SLC2A12: variants seen among roughly 807,000 people sequenced by gnomAD.
SLC2A12 encodes solute carrier family 2 member 12.
A neutral mutation model predicts 41.8 loss-of-function variants in SLC2A12; 23 were observed. That is an observed-to-expected ratio of 0.55 (90% CI 0.40 to 0.78). The LOEUF (loss-of-function observed/expected upper bound fraction) is 0.78. SLC2A12 is among the 30% of genes least tolerant of loss of function. The pLI is 0.00. For missense variants in SLC2A12, 654 were observed against 745.6 expected (o/e 0.88, Z 1.43); for synonymous variants, 295 against 285.9 (o/e 1.03, Z -0.32).
chr6:134,003,389 G>C (rs1044578977), intron 3 of SLC2A12, among the ~76,000 whole-genome samples: 2 of 152,146 alleles, frequency 1.3e-5, no homozygotes, highest in Non-Finnish European at 1.5e-5. Flanking sequence ...AACCCTAAAG[G>C]CTGTCTCATC....
At chr6:134,036,346 A>G (rs1777299367) in intron 1 of SLC2A12, among the ~76,000 whole-genome samples, 1 of 152,106 alleles carries the variant, frequency 6.6e-6, no homozygotes, top group Non-Finnish European at 1.5e-5. Context: ...TTCTCCCTGA[A>G]CGCCTTTGTT....
At chr6:134,011,966 C>G (rs1254341651) in intron 2 of SLC2A12, among the ~76,000 whole-genome samples, 5 of 151,974 alleles carry the variant, frequency 3.3e-5, no homozygotes, top group South Asian at 2.1e-4. Flanking sequence ...CGCTTGAGCC[C>G]AGGAGGTGGA....
chr6:134,042,214 A>G lies in SLC2A12; in HGVS notation c.103+10164T>C, dbSNP rs1470987908. Among the ~76,000 whole-genome samples, 6 of 152,236 alleles carry G rather than the reference A, an allele frequency of 3.9e-5. No homozygotes were observed. In the South Asian group the frequency reaches 6.2e-4, roughly 16 times the overall value. ...ATTTTAAAAGGAGTTGCTGCACTCA[A>G]TAATGGTTGAGAATCACCAGTAGTG... On this transcript the variant is annotated intron_variant, in intron 1 of 4. Coordinates refer to ENST00000275230, the MANE Select transcript of SLC2A12 (RefSeq NM_145176.3).
intron 2 of SLC2A12, chr6:134,009,339 C>T (rs922898565): frequency 6.6e-6 from 1 of 152,208 alleles, no homozygotes; most frequent in Non-Finnish European, 1.5e-5. Flanking sequence ...GGAAACTTGT[C>T]AAGCAAGCCC....
At chr6:134,031,810 C>T (rs1777212159) in intron 1 of SLC2A12, among the ~76,000 whole-genome samples, 1 of 152,094 alleles carries the variant, frequency 6.6e-6, no homozygotes. Context: ...CAAGCCTGGA[C>T]ATATGTATTT....
intron 3 of SLC2A12, among the ~76,000 whole-genome samples, chr6:134,003,500 T>G (rs1420767465): frequency 6.6e-6 from 1 of 152,186 alleles, no homozygotes; most frequent in Non-Finnish European, 1.5e-5. Flanking sequence ...TGCTAAAAAG[T>G]TATTCCTTGC....
At chr6:134,051,382 A>G (rs1773681957) in intron 1 of SLC2A12, among the ~76,000 whole-genome samples, 2 of 152,210 alleles carry the variant, frequency 1.3e-5, no homozygotes, top group South Asian at 4.1e-4. Flanking sequence ...AAACGTCAGT[A>G]TTAGGACCAT....
intron 1 of SLC2A12, among the ~76,000 whole-genome samples, chr6:134,045,757 A>G (rs576002143): frequency 6.6e-6 from 1 of 152,358 alleles, no homozygotes; most frequent in African/African-American, 2.4e-5. Flanking sequence ...TCATTTAACA[A>G]AAGCTCCTTT....
At chr6:134,023,198 G>A (rs949871665) in intron 2 of SLC2A12, among the ~76,000 whole-genome samples, 7 of 152,184 alleles carry the variant, frequency 4.6e-5, no homozygotes, top group African/African-American at 1.7e-4. Flanking sequence ...GTGGTCTGGA[G>A]GATGGATGGG....
chr6:133,996,727 A>C (rs569441210), intron 4 of SLC2A12, among the ~76,000 whole-genome samples: 5 of 152,256 alleles, frequency 3.3e-5, no homozygotes, highest in African/African-American at 1.2e-4. Flanking sequence ...GTCCTTCCTC[A>C]TTCTTCAAGT....
intron 2 of SLC2A12, among the ~76,000 whole-genome samples, chr6:134,010,620 G>A (rs143766661): frequency 6.6e-6 from 1 of 152,160 alleles, no homozygotes; most frequent in Non-Finnish European, 1.5e-5. Context: ...GGACTTGTGG[G>A]GGGGCGGAGG....
chr6:134,046,857 A>G (rs6929808), intron 1 of SLC2A12, among the ~76,000 whole-genome samples: 13,638 of 152,216 alleles, frequency 0.09, 1,288 homozygotes, highest in African/African-American at 0.24. Context: ...TAGCAAATGC[A>G]TAAAATAAGT....
intron 2 of SLC2A12, among the ~76,000 whole-genome samples, chr6:134,020,024 CAA>C (rs550748968): frequency 1.9e-4 from 15 of 80,002 alleles, no homozygotes; most frequent in African/African-American, 3.4e-4. Flanking sequence ...GATTCCATCT[CAA>C]AAAAAAAAAA....
intron 2 of SLC2A12, among the ~76,000 whole-genome samples, chr6:134,020,245 A>G (rs1237768395): frequency 6.6e-6 from 1 of 152,190 alleles, no homozygotes; most frequent in African/African-American, 2.4e-5. Context: ...GCCAATCCAT[A>G]TTTAAGAAGG....
In SLC2A12 at chr6:134,029,294, G is replaced by A. The variant is rs186953843; in HGVS notation, c.531C>T (p.Ile177=). The part of the protein sequence containing the change: ...LVSLNELMIV[I]GILSAYISNY... ...TTGAAATATAGGCAGAAAGAATGCC[G>A]ATGACAATCATCAGCTCATTCAGTG... is the stretch of plus-strand genomic sequence containing the variant. The change falls in exon 2 of 5, where the codon ATC becomes ATT. Residue 177 remains isoleucine, a synonymous_variant. Transcript: ENST00000275230. 2,343 of 1,614,142 alleles carry A rather than the reference G, an allele frequency of 1.5e-3. 50 individuals carry two copies. In the Admixed American group the frequency reaches 0.035, roughly 24 times the overall value.
chr6:134,032,425 T>G lies in SLC2A12; in HGVS notation c.104-2704A>C, dbSNP rs1310270171. 1.2e-4 allele frequency among the ~76,000 whole-genome samples: 4 copies of G among 32,142 alleles called. No homozygotes were observed. In the East Asian group the frequency reaches 1.9e-3, roughly 15 times the overall value. 21.1% of individuals were successfully genotyped at this position (32,142 alleles called of 152,430 possible). A position where few individuals can be genotyped will look rare whatever the true frequency, so the allele number is the denominator to read the frequency against. ...GGAGAAATATATATATATATATATA[T>G]TTATATATATATATATATATATAAA... is the stretch of plus-strand genomic sequence containing the variant. On this transcript the variant is annotated intron_variant, in intron 1 of 4. Coordinates refer to ENST00000275230, the MANE Select transcript of SLC2A12 (RefSeq NM_145176.3).
chr6:134,010,346 T>C (rs1264097456), intron 2 of SLC2A12, among the ~76,000 whole-genome samples: 3 of 152,182 alleles, frequency 2.0e-5, no homozygotes, highest in African/African-American at 7.2e-5. Flanking sequence ...CCTACCCCGA[T>C]GACAGGCCAA....
In SLC2A12 at chr6:134,035,151, C is replaced by CAAAAA. The variant is rs71003662; in HGVS notation, c.104-5435_104-5431dup. ...ATAGGAAAGGCCGCTGGCTGCCTGA[C>CAAAAA]AAAAAAAAAAAAAAAAAAAAAAACT... On this transcript the variant is annotated intron_variant, in intron 1 of 4. Coordinates refer to ENST00000275230, the MANE Select transcript of SLC2A12 (RefSeq NM_145176.3). 4.4e-3 allele frequency among the ~76,000 whole-genome samples: 473 copies of CAAAAA among 107,848 alleles called. 16 individuals carry two copies. Among genetic ancestry groups the CAAAAA allele is most frequent in the East Asian group, 6.8e-3 (18 of 2,636 alleles). 70.8% of individuals were successfully genotyped at this position (107,848 alleles called of 152,430 possible).
At chr6:134,019,506 T>A (rs1307427342) in intron 2 of SLC2A12, among the ~76,000 whole-genome samples, 1 of 151,934 alleles carries the variant, frequency 6.6e-6, no homozygotes, top group Non-Finnish European at 1.5e-5. Context: ...CAGTGGGGAG[T>A]CGAGGTAAGA....
Sources: gnomAD v4.1 joint callset for allele counts (sites outside exome capture counted in the v4.1 genomes callset) on GRCh38, gnomAD v4.1.1 for gene constraint, MANE v1.5 for transcripts, NCBI Gene and HGNC (gene_info 2026-07-23, HGNC 2026-07-21) for gene names.